Variants in SUPT20HL2 observed in about 807,000 individuals in gnomAD.
The protein encoded by SUPT20HL2 is transcription factor SPT20 homolog-like 2.
For missense variants in SUPT20HL2, 288 were observed against 127.4 expected (o/e 2.26, Z -6.07); for synonymous variants, 125 against 51.6 (o/e 2.42, Z -6.10).
At position 24,312,459 on chromosome X, in the gene SUPT20HL2, G is replaced by A. The variant is rs373204992; in HGVS notation, c.857C>T (p.Ala286Val). 9.5e-4 allele frequency: 365 copies of A among 385,064 alleles called. 3 individuals are homozygous for A. Among genetic ancestry groups the A allele is most frequent in the South Asian group, 6.7e-3 (285 of 42,665 alleles). 31.7% of individuals were successfully genotyped at this position (385,064 alleles called of 1,213,427 possible). ...GQPCELNITK[A>V]GSCVDTWKGR... ...TTTCCACGTGTCTACACAACTTCCC[G>A]CTTTAGTAATGTTCAGCTCACAAGG... The change falls in exon 1 of 1, where the codon GCG becomes GTG. Residue 286 changes from alanine (A) to valine (V), a missense_variant. Physicochemically the swap from Ala to Val is moderately conservative, Grantham distance 64. Transcript: ENST00000486479.
rs758309945 is a variant in SUPT20HL2 at position 24,312,032 on chromosome X, G to A, written c.1284C>T (p.Gly428=). ...GPGKMSHSSS[G]PASVSQLSSW... is the part of the protein sequence containing the mutation. ...AAGAGAGCTGACTGACACTGGCTGG[G>A]CCACTGGAGCTGTGTGACATCTTGC... The change falls in exon 1 of 1, where the codon GGC becomes GGT. Residue 428 remains glycine, a synonymous_variant. Transcript: ENST00000486479. The A allele has an allele frequency of 1.6e-5, 6 of 377,288 alleles. No individual in the cohort carries two copies. Among genetic ancestry groups the A allele is most frequent in the Admixed American group, 1.6e-4 (6 of 38,529 alleles). 31.1% of individuals were successfully genotyped at this position (377,288 alleles called of 1,213,427 possible).
At position 24,311,033 on chromosome X, in the gene SUPT20HL2, TTGTGGCTGCAGCAGCAGCAGCGGC is replaced by T. The variant is rs747200265; in HGVS notation, c.2259_2282del (p.Leu755_Pro762del). The T allele has an allele frequency of 2.9e-5, 11 of 380,014 alleles. No homozygotes were observed. Among genetic ancestry groups the T allele is most frequent in the Non-Finnish European group, 5.8e-5 (11 of 189,666 alleles). 31.3% of individuals were successfully genotyped at this position (380,014 alleles called of 1,213,427 possible). A position where few individuals can be genotyped will look rare whatever the true frequency, so the allele number is the denominator to read the frequency against. ...GGAGCTGGATCTGCTGTGGCTGTGG[TTGTGGCTGCAGCAGCAGCAGCGGC>T]TGTGGCTGCTGCCCCAAGACAAAGG... On this transcript the variant is annotated inframe_deletion, in exon 1 of 1. Coordinates refer to ENST00000486479, the MANE Select transcript of SUPT20HL2 (RefSeq NM_001136233.3).
rs1301509252 is a variant in SUPT20HL2 at position 24,308,916 on chromosome X, A to T, written c.*1946T>A. Among the ~76,000 whole-genome samples the T allele has an allele frequency of 2.8e-4, 31 of 112,003 alleles. No homozygotes were observed. Among genetic ancestry groups the T allele is most frequent in the African/African-American group, 8.8e-4 (27 of 30,706 alleles). On this transcript the variant is annotated 3_prime_UTR_variant, in exon 1 of 1. Coordinates refer to ENST00000486479, the MANE Select transcript of SUPT20HL2 (RefSeq NM_001136233.3). ...TTAGCAATACATTTTACGACATGGA[A>T]GAACTTCAAAAACATTATGCCGAGT...
rs760225844 is a variant in SUPT20HL2 at position 24,313,877 on chromosome X, C to G, written c.-562G>C. The G allele has an allele frequency of 1.2e-4, 42 of 365,134 alleles. No individual in the cohort carries two copies. Among genetic ancestry groups the G allele is most frequent in the Non-Finnish European group, 9.0e-5 (17 of 189,688 alleles). 30.1% of individuals were successfully genotyped at this position (365,134 alleles called of 1,213,427 possible). A position where few individuals can be genotyped will look rare whatever the true frequency, so the allele number is the denominator to read the frequency against. On this transcript the variant is annotated 5_prime_UTR_variant, in exon 1 of 1. Transcript: ENST00000486479. Reference sequence around the variant, plus strand: ...AGGGGTCGTCGTCGTGGTCGGACTTCGCGTCTCTGCGGCCTGGAACGGAAG... The same window carrying G: ...AGGGGTCGTCGTCGTGGTCGGACTTGGCGTCTCTGCGGCCTGGAACGGAAG...
In SUPT20HL2 at chrX:24,309,306, G is replaced by A. The variant is rs775034627; in HGVS notation, c.*1556C>T. Among the ~76,000 whole-genome samples, 1 of 111,496 alleles carries A rather than the reference G, an allele frequency of 9.0e-6. No homozygotes were observed. Among genetic ancestry groups the A allele is most frequent in the South Asian group, 3.7e-4 (1 of 2,697 alleles). On this transcript the variant is annotated 3_prime_UTR_variant, in exon 1 of 1. Transcript: ENST00000486479. ...CTGGAACAAGGGAAAAAATGAGGGA[G>A]CAGAAACAGCTGAACAACTGATGAT...
Position 24,309,946 on chromosome X carries a change from T to C in SUPT20HL2, c.*916A>G, listed in dbSNP as rs1939107813. Among the ~76,000 whole-genome samples the C allele has an allele frequency of 9.1e-6, 1 of 109,311 alleles. No homozygotes were observed. Among genetic ancestry groups the C allele is most frequent in the Non-Finnish European group, 1.9e-5 (1 of 52,558 alleles). 94.9% of individuals were successfully genotyped at this position (109,311 alleles called of 115,157 possible). The stretch of plus-strand genomic sequence containing the variant: ...AATCGCAGTGTGACAAGCATCACTG[T>C]ACTGTACTTTTTTTTCATTTTTCAA... On this transcript the variant is annotated 3_prime_UTR_variant, in exon 1 of 1. Transcript: ENST00000486479.
In SUPT20HL2 at chrX:24,309,017, C is replaced by T. The variant is rs1278117609; in HGVS notation, c.*1845G>A. Among the ~76,000 whole-genome samples the T allele has an allele frequency of 8.9e-6, 1 of 111,989 alleles. No homozygotes were observed. Among genetic ancestry groups the T allele is most frequent in the Non-Finnish European group, 1.9e-5 (1 of 53,131 alleles). The stretch of plus-strand genomic sequence containing the variant: ...AAATATTTAGGTAAATCCATAGAAA[C>T]AGAAAGCAAATTGGTGGTTGCCAGA... On this transcript the variant is annotated 3_prime_UTR_variant, in exon 1 of 1. Transcript: ENST00000486479.
chrX:24,308,476 T>C lies in SUPT20HL2; in HGVS notation c.*2386A>G, dbSNP rs1164827993. 8.9e-6 allele frequency among the ~76,000 whole-genome samples: 1 copy of C among 112,016 alleles called. No homozygotes were observed. Among genetic ancestry groups the C allele is most frequent in the Admixed American group, 9.5e-5 (1 of 10,580 alleles). On this transcript the variant is annotated 3_prime_UTR_variant, in exon 1 of 1. Coordinates refer to ENST00000486479, the MANE Select transcript of SUPT20HL2 (RefSeq NM_001136233.3). ...ATTCCCAATTATGTCCAGGCTGCTC[T>C]GATGGACTTGGTGTCACTTAGGAAA... is the stretch of plus-strand genomic sequence containing the variant.
rs1939105384 is a variant in SUPT20HL2 at position 24,309,765 on chromosome X, A to AAAAAAAAAC, written c.*1096_*1097insGTTTTTTTT. ...AAAAAAGAAAAAAAAAAAAAAAAAA[A>AAAAAAAAAC]AAAACATCCAAAAAGAGCCTTTTCA... On this transcript the variant is annotated 3_prime_UTR_variant, in exon 1 of 1. Coordinates refer to ENST00000486479, the MANE Select transcript of SUPT20HL2 (RefSeq NM_001136233.3). 1.1e-5 allele frequency among the ~76,000 whole-genome samples: 1 copy of AAAAAAAAAC among 92,770 alleles called. No homozygotes were observed. Among genetic ancestry groups the AAAAAAAAAC allele is most frequent in the African/African-American group, 3.9e-5 (1 of 25,628 alleles). The allele number at this position is 92,770 out of a possible 115,157, so 80.6% of individuals were successfully genotyped here. A position where few individuals can be genotyped will look rare whatever the true frequency, so the allele number is the denominator to read the frequency against.
At position 24,308,516 on chromosome X, in the gene SUPT20HL2, T is replaced by C. The variant is rs1265920431; in HGVS notation, c.*2346A>G. Among the ~76,000 whole-genome samples, 1 of 112,449 alleles carries C rather than the reference T, an allele frequency of 8.9e-6. No homozygotes were observed. The highest frequency in any genetic ancestry group is 1.9e-5 in the Non-Finnish European group (1 of 53,360). On this transcript the variant is annotated 3_prime_UTR_variant, in exon 1 of 1. Transcript: ENST00000486479. ...CACTTAGGAAATTCGACGTGTTTGC[T>C]TGAAGTTGGTCAAATCTTTAACAGC...
chrX:24,313,560 C>G lies in SUPT20HL2; in HGVS notation c.-245G>C, dbSNP rs1404081304. On this transcript the variant is annotated 5_prime_UTR_variant, in exon 1 of 1. Coordinates refer to ENST00000486479, the MANE Select transcript of SUPT20HL2 (RefSeq NM_001136233.3). ...TGGCCGGGCTTCACGTCTCTGCGGC[C>G]TGGAACAGAAGTGAGCGGGAGGGCC... Among the ~76,000 whole-genome samples, 4 of 106,173 alleles carry G rather than the reference C, an allele frequency of 3.8e-5. No individual in the cohort carries two copies. Among genetic ancestry groups the G allele is most frequent in the Non-Finnish European group, 7.8e-5 (4 of 51,438 alleles). 92.2% of individuals were successfully genotyped at this position (106,173 alleles called of 115,157 possible). A position where few individuals can be genotyped will look rare whatever the true frequency, so the allele number is the denominator to read the frequency against.
In SUPT20HL2 at chrX:24,311,638, T is replaced by C. The variant is rs1467535086; in HGVS notation, c.1678A>G (p.Ile560Val). The C allele has an allele frequency of 5.2e-6, 2 of 384,409 alleles. No individual in the cohort carries two copies. The highest frequency in any genetic ancestry group is 1.0e-5 in the Non-Finnish European group (2 of 191,479). The allele number at this position is 384,409 out of a possible 1,213,427, so 31.7% of individuals were successfully genotyped here. ...GTCCGGACCTGAATGGCTGGGGCTATTTTTACGAATCTGGTGGGGCGCCCG... is the reference window on the plus strand; with the variant it reads ...GTCCGGACCTGAATGGCTGGGGCTACTTTTACGAATCTGGTGGGGCGCCCG... ...AAGRPTRFVK[I>V]APAIQVRTGS... Residue 560 changes from isoleucine (I) to valine (V), a missense_variant, in exon 1 of 1, where the codon ATA (isoleucine) becomes GTA (valine). Coordinates refer to ENST00000486479, the MANE Select transcript of SUPT20HL2 (RefSeq NM_001136233.3).
Position 24,310,002 on chromosome X carries a change from T to C in SUPT20HL2, c.*860A>G, listed in dbSNP as rs1022586056. On this transcript the variant is annotated 3_prime_UTR_variant, in exon 1 of 1. Coordinates refer to ENST00000486479, the MANE Select transcript of SUPT20HL2 (RefSeq NM_001136233.3). ...ATGTGTAATAATTCCATTCCATATA[T>C]TGTGCATAAACCTATTAATGTGAAT... 9.0e-6 allele frequency among the ~76,000 whole-genome samples: 1 copy of C among 111,059 alleles called. No homozygotes were observed. Among genetic ancestry groups the C allele is most frequent in the Non-Finnish European group, 1.9e-5 (1 of 53,020 alleles).
Position 24,309,734 on chromosome X carries a change from T to TAAAAAAAAAAAAAAAAAAAAAAA in SUPT20HL2, c.*1127_*1128insTTTTTTTTTTTTTTTTTTTTTTT, listed in dbSNP as rs1429702092. Among the ~76,000 whole-genome samples the TAAAAAAAAAAAAAAAAAAAAAAA allele has an allele frequency of 6.4e-5, 1 of 15,703 alleles. No individual in the cohort carries two copies. The highest frequency in any genetic ancestry group is 9.6e-5 in the Non-Finnish European group (1 of 10,390). The allele number at this position is 15,703 out of a possible 115,157, so 13.6% of individuals were successfully genotyped here. ...AAAAAAAAGAAAAAAATAATAAAAA[T>TAAAAAAAAAAAAAAAAAAAAAAA]AAAAAAAAAAAGAAAAAAAAAAAAA... is the stretch of plus-strand genomic sequence containing the variant. On this transcript the variant is annotated 3_prime_UTR_variant, in exon 1 of 1. Transcript: ENST00000486479.
chrX:24,309,746 G>GAAAAAAAAAAAA lies in SUPT20HL2; in HGVS notation c.*1104_*1115dup. On this transcript the variant is annotated 3_prime_UTR_variant, in exon 1 of 1. Transcript: ENST00000486479. ...AAAATAATAAAAATAAAAAAAAAAA[G>GAAAAAAAAAAAA]AAAAAAAAAAAAAAAAAAAAAAACA... Among the ~76,000 whole-genome samples the GAAAAAAAAAAAA allele has an allele frequency of 1.7e-3, 36 of 21,792 alleles. No homozygotes were observed. The highest frequency in any genetic ancestry group is 2.1e-3 in the Non-Finnish European group (30 of 14,577). The allele number at this position is 21,792 out of a possible 115,157, so 18.9% of individuals were successfully genotyped here.
chrX:24,309,705 TAAA>T lies in SUPT20HL2; in HGVS notation c.*1154_*1156del, dbSNP rs1157065397. On this transcript the variant is annotated 3_prime_UTR_variant, in exon 1 of 1. Coordinates refer to ENST00000486479, the MANE Select transcript of SUPT20HL2 (RefSeq NM_001136233.3). The stretch of plus-strand genomic sequence containing the variant: ...AAAAAAAAAAATTAAAAAAAAAAAT[TAAA>T]AAAAAAAAGAAAAAAATAATAAAAA... Among the ~76,000 whole-genome samples the T allele has an allele frequency of 0.097, 1,752 of 18,002 alleles. 73 individuals are homozygous for T. Among genetic ancestry groups the T allele is most frequent in the Non-Finnish European group, 0.14 (1,530 of 11,124 alleles). The allele number at this position is 18,002 out of a possible 115,157, so 15.6% of individuals were successfully genotyped here.
In SUPT20HL2 at chrX:24,311,327, C is replaced by A. The variant is rs778174520; in HGVS notation, c.1989G>T (p.Pro663=). The change falls in exon 1 of 1, where the codon CCG becomes CCT. Residue 663 remains proline, a synonymous_variant. Transcript: ENST00000486479. ...AAACCAGCTGATGGGACTGCTGCTG[C>A]GGGCCGGTCAGAACCGCCCAGCCCT... ...VPQGWAVLTG[P]QQQSHQLVSL... The A allele has an allele frequency of 5.2e-6, 2 of 386,388 alleles. No homozygotes were observed. Among genetic ancestry groups the A allele is most frequent in the Non-Finnish European group, 1.0e-5 (2 of 192,523 alleles). 31.8% of individuals were successfully genotyped at this position (386,388 alleles called of 1,213,427 possible). A position where few individuals can be genotyped will look rare whatever the true frequency, so the allele number is the denominator to read the frequency against.
rs1939106721 is a variant in SUPT20HL2, at chrX:24,309,826, G to A, written c.*1036C>T. Among the ~76,000 whole-genome samples the A allele has an allele frequency of 9.9e-6, 1 of 100,695 alleles. No homozygotes were observed. Among genetic ancestry groups the A allele is most frequent in the Admixed American group, 1.1e-4 (1 of 9,144 alleles). 87.4% of individuals were successfully genotyped at this position (100,695 alleles called of 115,157 possible). On this transcript the variant is annotated 3_prime_UTR_variant, in exon 1 of 1. Coordinates refer to ENST00000486479, the MANE Select transcript of SUPT20HL2 (RefSeq NM_001136233.3). The stretch of plus-strand genomic sequence containing the variant: ...GAAAGCCTTGCTCTGTGGAGCACTA[G>A]GTGCAGACAGGGCCTTTGAAAGGGC...
rs779033553 is a variant in SUPT20HL2, at chrX:24,313,678, G to A, written c.-363C>T. 1.9e-4 allele frequency among the ~76,000 whole-genome samples: 18 copies of A among 97,125 alleles called. No homozygotes were observed. Among genetic ancestry groups the A allele is most frequent in the African/African-American group, 6.5e-4 (17 of 26,071 alleles). The allele number at this position is 97,125 out of a possible 115,157, so 84.3% of individuals were successfully genotyped here. On this transcript the variant is annotated 5_prime_UTR_variant, in exon 1 of 1. Coordinates refer to ENST00000486479, the MANE Select transcript of SUPT20HL2 (RefSeq NM_001136233.3). ...CTGTTTGAGGGTTTCTGAAAACATC[G>A]GTACCTGAGGGGTCGTCGTCGTGGC... is the stretch of plus-strand genomic sequence containing the variant.
Sources: gnomAD v4.1 joint callset for allele counts (sites outside exome capture counted in the v4.1 genomes callset) on GRCh38, gnomAD v4.1.1 for gene constraint, MANE v1.5 for transcripts, NCBI Gene and HGNC (gene_info 2026-07-23, HGNC 2026-07-21) for gene names.